Variants in GULP1 observed in about 807,000 individuals in gnomAD.
The protein encoded by GULP1 is PTB domain-containing engulfment adapter protein 1.
GULP1 carries 19 observed loss-of-function variants against 40.9 expected under a neutral mutation model. That is an observed-to-expected ratio of 0.46 (90% confidence interval 0.32 to 0.68). The LOEUF is 0.68. Ranked by LOEUF, GULP1 falls within the 30% of genes least tolerant of loss-of-function variation. GULP1 has a pLI of 0.03. For missense variants in GULP1, 312 were observed against 362.2 expected (o/e 0.86, Z 1.12); for synonymous variants, 119 against 117.6 (o/e 1.01, Z -0.08).
chr2:188,455,072 C>T (rs2059149450), intron 2 of GULP1, among the ~76,000 whole-genome samples: 1 of 152,044 alleles, frequency 6.6e-6, no homozygotes. Context: ...TTTGAGGTTG[C>T]AGTGAGTTAT....
chr2:188,511,613 G>A (rs2064551736), intron 4 of GULP1, among the ~76,000 whole-genome samples: 1 of 152,108 alleles, frequency 6.6e-6, no homozygotes, highest in African/African-American at 2.4e-5. Flanking sequence ...CTCGGTGGGA[G>A]AGCCTCCTGA....
At chr2:188,448,305 T>G (rs189823873) in intron 2 of GULP1, among the ~76,000 whole-genome samples, 2 of 152,326 alleles carry the variant, frequency 1.3e-5, no homozygotes, top group East Asian at 3.9e-4. Flanking sequence ...GTATTATTTC[T>G]TTTTTTGCTA....
intron 6 of GULP1, among the ~76,000 whole-genome samples, chr2:188,531,178 AC>A (rs1241413267): frequency 6.6e-6 from 1 of 152,176 alleles, no homozygotes; most frequent in Admixed American, 6.5e-5. Flanking sequence ...CTACAGACCT[AC>A]AGAATCTGTA....
chr2:188,398,982 T>G (rs1237523527), intron 2 of GULP1, among the ~76,000 whole-genome samples: 2 of 152,202 alleles, frequency 1.3e-5, no homozygotes, highest in African/African-American at 2.4e-5. Flanking sequence ...AGTTTATCAG[T>G]TAGGTAGCCT....
intron 2 of GULP1, among the ~76,000 whole-genome samples, chr2:188,470,561 C>G (rs546282161): frequency 6.6e-6 from 1 of 152,160 alleles, no homozygotes; most frequent in African/African-American, 2.4e-5. Context: ...CTATAAACTT[C>G]CCTCTTAGTA....
At chr2:188,414,319 C>T (rs1257088013) in intron 2 of GULP1, among the ~76,000 whole-genome samples, 2 of 149,958 alleles carry the variant, frequency 1.3e-5, no homozygotes, top group Admixed American at 6.6e-5. Flanking sequence ...TATATGTCTT[C>T]TTTACTGAAA....
intron 9 of GULP1, among the ~76,000 whole-genome samples, chr2:188,571,434 T>G (rs1445343404): frequency 6.6e-6 from 1 of 152,148 alleles, no homozygotes; most frequent in Non-Finnish European, 1.5e-5. Flanking sequence ...ACCTCCCATT[T>G]GAAAGAGTGA....
intron 1 of GULP1, among the ~76,000 whole-genome samples, chr2:188,299,373 T>C (rs961904231): frequency 6.6e-6 from 1 of 152,218 alleles, no homozygotes; most frequent in East Asian, 1.9e-4. Flanking sequence ...AAGCTCAATA[T>C]ACTAACATAT....
chr2:188,433,722 A>G (rs2057135412), intron 2 of GULP1, among the ~76,000 whole-genome samples: 1 of 152,100 alleles, frequency 6.6e-6, no homozygotes, highest in Admixed American at 6.6e-5. Flanking sequence ...GATGAAAGAA[A>G]CCAAACTCTG....
intron 1 of GULP1, among the ~76,000 whole-genome samples, chr2:188,350,918 A>G (rs974981114): frequency 6.6e-6 from 1 of 152,152 alleles, no homozygotes; most frequent in African/African-American, 2.4e-5. Context: ...CTTTGTTTAT[A>G]AACTTAATTT....
intron 7 of GULP1, among the ~76,000 whole-genome samples, chr2:188,546,264 G>A (rs1691937557): frequency 6.6e-6 from 1 of 151,896 alleles, no homozygotes; most frequent in South Asian, 2.1e-4. Flanking sequence ...AACAACAACA[G>A]AATGTACATT....
At chr2:188,479,554 A>C (rs1227860551) in intron 3 of GULP1, among the ~76,000 whole-genome samples, 1 of 152,182 alleles carries the variant, frequency 6.6e-6, no homozygotes, top group Admixed American at 6.6e-5. Context: ...TTGGGATTAT[A>C]GGCGGGAGCC....
At chr2:188,338,661 C>T (rs2042588772) in intron 1 of GULP1, among the ~76,000 whole-genome samples, 1 of 152,082 alleles carries the variant, frequency 6.6e-6, no homozygotes, top group Non-Finnish European at 1.5e-5. Flanking sequence ...AATATGTCAT[C>T]AGCATTTTAT....
chr2:188,585,722 AT>A (rs1290911410), intron 10 of GULP1, among the ~76,000 whole-genome samples: 1 of 151,960 alleles, frequency 6.6e-6, no homozygotes, highest in East Asian at 1.9e-4. Flanking sequence ...CCACGAAACC[AT>A]TTTTTCCTCT....
rs184658484 is a variant in GULP1 at position 188,580,835 on chromosome 2, A to G, written c.610-3430A>G. Among the ~76,000 whole-genome samples the G allele has an allele frequency of 7.9e-5, 12 of 152,318 alleles. No homozygotes were observed. In the East Asian group the frequency reaches 2.3e-3, roughly 29 times the overall value. On this transcript the variant is annotated intron_variant, in intron 9 of 11. Transcript: ENST00000409830. ...CCTTTTACAATAAAGTTTATCAAAA[A>G]TCAGATTATTTTTGGCTGCCTGAAT...
chr2:188,547,743 C>T (rs1018705074), intron 7 of GULP1, among the ~76,000 whole-genome samples: 6 of 152,048 alleles, frequency 3.9e-5, no homozygotes, highest in African/African-American at 7.2e-5. Context: ...ATAAAGTTGA[C>T]GCTCAGTAAT....
intron 7 of GULP1, among the ~76,000 whole-genome samples, chr2:188,561,848 C>T (rs759053112): frequency 1.3e-5 from 2 of 152,114 alleles, no homozygotes; most frequent in Non-Finnish European, 2.9e-5. Flanking sequence ...TAGTCCTTGC[C>T]TAGGTTGTAC....
At chr2:188,305,456 A>G (rs1574264076) in intron 1 of GULP1, among the ~76,000 whole-genome samples, 1 of 152,220 alleles carries the variant, frequency 6.6e-6, no homozygotes, top group Admixed American at 6.5e-5. Flanking sequence ...CCCTCTGTGT[A>G]GCATTCCTTC....
chr2:188,458,555 C>T (rs190361607), intron 2 of GULP1, among the ~76,000 whole-genome samples: 2 of 151,952 alleles, frequency 1.3e-5, no homozygotes, highest in African/African-American at 4.8e-5. Context: ...TTTGTGGGTA[C>T]ATAGTAAGTG....
Sources: gnomAD v4.1 joint callset for allele counts (sites outside exome capture counted in the v4.1 genomes callset) on GRCh38, gnomAD v4.1.1 for gene constraint, MANE v1.5 for transcripts, NCBI Gene and HGNC (gene_info 2026-07-23, HGNC 2026-07-21) for gene names.